The following PES1 variants were observed in gnomAD, a reference collection of about 807,000 sequenced individuals.
PES1 encodes pescadillo ribosomal biogenesis factor 1.
A neutral mutation model predicts 77.1 loss-of-function variants in PES1; 31 were observed. That is an observed-to-expected ratio of 0.40 (90% CI 0.30 to 0.54). The LOEUF (loss-of-function observed/expected upper bound fraction) is 0.54. Ranked by LOEUF, PES1 falls within the 20% of genes least tolerant of loss-of-function variation. The pLI, the probability that PES1 is intolerant of heterozygous loss-of-function variation, is 0.45. For missense variants in PES1, 658 were observed against 771.7 expected (o/e 0.85, Z 1.75); for synonymous variants, 282 against 303.0 (o/e 0.93, Z 0.72).
chr22:30,592,321 G>A, upstream of PES1: 1 of 990,708 alleles, frequency 1.0e-6, no homozygotes, highest in South Asian at 4.6e-5. Flanking sequence ...CTGAGAAGCG[G>A]TTCCCGAGGG....
chr22:30,597,939 A>G (rs1602027455), intron 2 of PES1, among the ~76,000 whole-genome samples: 1 of 132,908 alleles, frequency 7.5e-6, no homozygotes, highest in Middle Eastern at 4.6e-3. Context: ...GCTGGAGTGC[A>G]GTGGCGGCAT....
chr22:30,584,508 G>A (rs1336840199), intron 5 of PES1, 38 bp downstream of exon 5: 3 of 1,608,950 alleles, frequency 1.9e-6, no homozygotes, highest in Non-Finnish European at 8.5e-7. Context: ...CAGGAGAGGG[G>A]GCAGGGTGGG....
At chr22:30,582,636 T>A (rs766174643) in intron 6 of PES1, among the ~76,000 whole-genome samples, 4 of 152,154 alleles carry the variant, frequency 2.6e-5, no homozygotes, top group Non-Finnish European at 5.9e-5. Flanking sequence ...AAATCAGTAG[T>A]GATCACCATG....
upstream of PES1, among the ~76,000 whole-genome samples, chr22:30,596,716 G>A (rs1190748037): frequency 2.0e-5 from 3 of 152,200 alleles, no homozygotes; most frequent in Admixed American, 6.5e-5. Flanking sequence ...CACAGCCCTC[G>A]CTCGCTCTCA....
upstream of PES1, chr22:30,592,087 T>C (rs1602022263): frequency 7.6e-7 from 1 of 1,318,856 alleles, no homozygotes. Flanking sequence ...ACAAACACTT[T>C]AAGTGTTAAA....
At chr22:30,590,907 T>C (rs2087165345) in intron 1 of PES1, among the ~76,000 whole-genome samples, 1 of 152,238 alleles carries the variant, frequency 6.6e-6, no homozygotes, top group African/African-American at 2.4e-5. Flanking sequence ...CCATCTTGTA[T>C]CTTTGCAGTT....
intron 4 of PES1, 69 bp from the exon 5 acceptor site, chr22:30,584,786 T>C (rs2087050634): frequency 6.6e-7 from 1 of 1,511,524 alleles, no homozygotes; most frequent in African/African-American, 1.4e-5. Flanking sequence ...CTGATCTCCT[T>C]ATCCCACCCC....
intron 1 of PES1, among the ~76,000 whole-genome samples, chr22:30,606,242 T>C (rs574153597): frequency 6.6e-6 from 1 of 152,080 alleles, no homozygotes; most frequent in East Asian, 1.9e-4. Flanking sequence ...TATTTTATTT[T>C]ATTTTTGAGA....
intron 2 of PES1, among the ~76,000 whole-genome samples, chr22:30,597,327 C>T (rs1201812432): frequency 6.6e-6 from 1 of 151,810 alleles, no homozygotes; most frequent in Non-Finnish European, 1.5e-5. Flanking sequence ...CAGCTGGGCT[C>T]CTGAGTCTAG....
chr22:30,593,100 G>T (rs946034823), upstream of PES1, among the ~76,000 whole-genome samples: 1 of 152,158 alleles, frequency 6.6e-6, no homozygotes, highest in South Asian at 2.1e-4. Context: ...CACAGAGACA[G>T]ACGTTAAGCA....
chr22:30,580,498 TGG>T, intron 10 of PES1, 71 bp downstream of exon 10: 1 of 1,570,418 alleles, frequency 6.4e-7, no homozygotes, highest in Non-Finnish European at 8.7e-7. Flanking sequence ...ATGTTACCGA[TGG>T]GCACCAGGGC....
At chr22:30,605,466 G>T in exon 2 of PES1, 2 of 985,402 alleles carry the variant, frequency 2.0e-6, no homozygotes, top group Non-Finnish European at 2.4e-6. Context: ...CTCACCAGAG[G>T]CTGACGATAA....
At chr22:30,577,427 T>C (rs1454408456) in intron 14 of PES1, among the ~76,000 whole-genome samples, 1 of 152,212 alleles carries the variant, frequency 6.6e-6, no homozygotes, top group Admixed American at 6.5e-5. Context: ...TGGATGCCAC[T>C]AGAACCTTCA....
chr22:30,602,070 C>T (rs2087364091), intron 2 of PES1, among the ~76,000 whole-genome samples: 1 of 151,928 alleles, frequency 6.6e-6, no homozygotes, highest in Non-Finnish European at 1.5e-5. Flanking sequence ...CGCACCTGGC[C>T]CCTTCTTTTC....
chr22:30,596,098 G>A (rs1394704521), upstream of PES1, among the ~76,000 whole-genome samples: 1 of 152,090 alleles, frequency 6.6e-6, no homozygotes, highest in Non-Finnish European at 1.5e-5. Flanking sequence ...TTACATCAAG[G>A]AAAATTCAGA....
At chr22:30,602,456 A>G (rs2087371006) in intron 2 of PES1, among the ~76,000 whole-genome samples, 1 of 46,746 alleles carries the variant, frequency 2.1e-5, no homozygotes, top group Non-Finnish European at 4.5e-5. Context: ...TTTTTGACAC[A>G]AGAGTTCCAC....
chr22:30,598,546 A>G lies in PES1; in HGVS notation c.-660-6148T>C, dbSNP rs185972151. On this transcript the variant is annotated intron_variant, in intron 2 of 16. Coordinates refer to the PES1 transcript ENST00000402281. ...CGGGTTTAGGTGATTCTCGTGCCTC[A>G]GGTTCCTGAGTAGCTGGGATTAAAG... Among the ~76,000 whole-genome samples, 4 of 152,274 alleles carry G rather than the reference A, an allele frequency of 2.6e-5. No individual in the cohort carries two copies. In the East Asian group the frequency reaches 7.7e-4, roughly 29 times the overall value.
At position 30,589,228 on chromosome 22, in the gene PES1, C is replaced by A. The variant is rs2087140179; in HGVS notation, c.67G>T (p.Ala23Ser). 6.2e-7 allele frequency: 1 copy of A among 1,614,042 alleles called. No individual in the cohort carries two copies. Among genetic ancestry groups the A allele is most frequent in the Non-Finnish European group, 8.5e-7 (1 of 1,179,976 alleles). The change falls in exon 2 of 15, where the codon GCC (alanine) becomes TCC (serine). Residue 23 changes from alanine (A) to serine (S), a missense_variant. Transcript: ENST00000354694. ...AAGCTCAGCTGGAGCTTCTTCCGGG[C>A]TTTGTTCCGGGTGATGTAGTTGGTG... The part of the protein sequence containing the change: ...SATNYITRNK[A>S]RKKLQLSLAD...
chr22:30,592,133 C>T, upstream of PES1: 3 of 1,219,402 alleles, frequency 2.5e-6, no homozygotes, highest in Non-Finnish European at 3.1e-6. Flanking sequence ...TGTAATCACC[C>T]TGATGACGAT....
Sources: allele counts gnomAD v4.1 joint callset (sites outside exome capture counted in the v4.1 genomes callset), GRCh38; gene constraint gnomAD v4.1.1; transcripts MANE v1.5; gene names NCBI Gene and HGNC (gene_info 2026-07-23, HGNC 2026-07-21).